LAT2: variants seen among roughly 807,000 people sequenced by gnomAD.
The protein encoded by LAT2 is linker for activation of T cells family member 2, also known as linker for activation of T-cells family member 2.
Under a neutral mutation model 43.4 loss-of-function variants are expected in LAT2, and 23 were observed. That is an observed-to-expected ratio of 0.53 (90% CI 0.38 to 0.75). The LOEUF is 0.75. Ranked by LOEUF, LAT2 falls within the 30% of genes least tolerant of loss-of-function variation. LAT2 has a pLI of 0.00. For missense variants in LAT2, 284 were observed against 310.2 expected (o/e 0.92, Z 0.64); for synonymous variants, 128 against 123.2 (o/e 1.04, Z -0.26).
intron 9 of LAT2, 80 bp from the exon 10 acceptor site, chr7:74,221,557 C>A: frequency 9.0e-7 from 1 of 1,112,616 alleles, no homozygotes; most frequent in Non-Finnish European, 1.3e-6. Context: ...GCAGCCCTGG[C>A]CTCACCGCCC....
intron 1 of LAT2, among the ~76,000 whole-genome samples, chr7:74,211,224 G>A (rs1023298025): frequency 6.6e-6 from 1 of 152,146 alleles, no homozygotes; most frequent in African/African-American, 2.4e-5. Context: ...AACCTGGATG[G>A]GAGAGTGAAA....
chr7:74,220,786 C>A lies in LAT2; in HGVS notation c.332+52C>A, dbSNP rs184484775. 4.8e-3 allele frequency: 6,971 copies of A among 1,439,434 alleles called. 37 individuals are homozygous for A. Among genetic ancestry groups the A allele is most frequent in the Middle Eastern group, 8.7e-3 (34 of 3,906 alleles). The allele number at this position is 1,439,434 out of a possible 1,614,324, so 89.2% of individuals were successfully genotyped here. On this transcript the variant is annotated intron_variant, in intron 9 of 13. Coordinates refer to ENST00000460943, the MANE Select transcript of LAT2 (RefSeq NM_032464.3). This position sits in a 1 kb window ranked among gnomAD's most constrained non-coding sequence, Gnocchi z 4.5. The stretch of plus-strand genomic sequence containing the variant: ...TGCCTCGCCTCTCCCCCTGCCCCAC[C>A]TCTCCCCCTGCCCCACCTCTCCCCC...
In LAT2 at chr7:74,224,765, A is replaced by C. The variant is rs782759673; in HGVS notation, c.*18+5A>C. The C allele has an allele frequency of 2.7e-5, 42 of 1,535,526 alleles. No homozygotes were observed. In the Admixed American group the frequency reaches 3.2e-4, roughly 12 times the overall value. ...TAGGGCAGACCAAGAAGAAAGGTACAGCCCCTGCTCTCCAGCTGCCGTGGG... is the reference window on the plus strand; with the variant it reads ...TAGGGCAGACCAAGAAGAAAGGTACCGCCCCTGCTCTCCAGCTGCCGTGGG... On this transcript the variant is annotated splice_donor_5th_base_variant and intron_variant, in intron 13 of 13. Coordinates refer to ENST00000460943, the MANE Select transcript of LAT2 (RefSeq NM_032464.3).
rs1554715045 is a variant in LAT2, at chr7:74,220,559, G to T, written c.266-25G>T. On this transcript the variant is annotated intron_variant, in intron 7 of 13. Transcript: ENST00000460943. This position sits in a 1 kb window ranked among gnomAD's most constrained non-coding sequence, Gnocchi z 4.5. ...TGCAAAGCAGGGGCCAGGGGAGAAA[G>T]CAATTAGCTGGGTCTTTCTTCCAGA... 3 of 1,613,766 alleles carry T rather than the reference G, an allele frequency of 1.9e-6. No homozygotes were observed. The African/African-American group carries it at 4.0e-5, about 22-fold the overall frequency.
At chr7:74,214,704 T>TATATAAAA (rs1801953679) in intron 1 of LAT2, 118 bp from the exon 2 acceptor site, 2 of 99,928 alleles carry the variant, frequency 2.0e-5, no homozygotes, top group African/African-American at 9.0e-5. Context: ...TATATAAATA[T>TATATAAAA]ATATAAATAT....
chr7:74,216,739 G>A (rs1431515365), intron 3 of LAT2, 86 bp from the exon 4 acceptor site: 76 of 1,159,798 alleles, frequency 6.6e-5, no homozygotes, highest in Non-Finnish European at 8.6e-5. Context: ...TCTGAGTCCT[G>A]CTGGAGACAA....
At chr7:74,222,032 T>A (rs2116167506) in intron 10 of LAT2, among the ~76,000 whole-genome samples, 1 of 151,788 alleles carries the variant, frequency 6.6e-6, no homozygotes, top group Non-Finnish European at 1.5e-5. Context: ...GGGATGGTGA[T>A]CCCTGCAGGC....
At position 74,216,084 on chromosome 7, in the gene LAT2, C is replaced by T. The variant is rs1371629480; in HGVS notation, c.94+15C>T. 1.9e-5 allele frequency: 30 copies of T among 1,599,224 alleles called. No homozygotes were observed. Among genetic ancestry groups the T allele is most frequent in the Admixed American group, 1.4e-4 (8 of 58,106 alleles). ...CTCACGCCCAGGTAAGCGGGGGTCT[C>T]GGGGACGTGATGGGGAGAAGGTGTG... On this transcript the variant is annotated intron_variant, in intron 3 of 13. Transcript: ENST00000460943.
chr7:74,216,720 C>T, intron 3 of LAT2, 105 bp from the exon 4 acceptor site: 1 of 922,872 alleles, frequency 1.1e-6, no homozygotes, highest in Middle Eastern at 3.0e-4. Context: ...GTTTGGCCCC[C>T]AAGTCCTGTC....
Position 74,220,331 on chromosome 7 carries a change from G to A in LAT2, c.265+77G>A. ...GACAGGCGAAAACCCCATGGGACAG[G>A]CGTCGTGCAGTGGGGGCTGCGGGGC... On this transcript the variant is annotated intron_variant, in intron 7 of 13. Coordinates refer to ENST00000460943, the MANE Select transcript of LAT2 (RefSeq NM_032464.3). This position sits in a 1 kb window ranked among gnomAD's most constrained non-coding sequence, Gnocchi z 4.5. 1 of 1,503,670 alleles carries A rather than the reference G, an allele frequency of 6.7e-7. No individual in the cohort carries two copies. The highest frequency in any genetic ancestry group is 9.1e-7 in the Non-Finnish European group (1 of 1,095,216). The allele number at this position is 1,503,670 out of a possible 1,614,324, so 93.1% of individuals were successfully genotyped here. A position where few individuals can be genotyped will look rare whatever the true frequency, so the allele number is the denominator to read the frequency against.
chr7:74,225,609 C>T (rs937232898), intron 13 of LAT2: 11 of 152,458 alleles, frequency 7.2e-5, no homozygotes, highest in African/African-American at 2.7e-4. Flanking sequence ...AGCCACCTGC[C>T]CAAGGCCACA....
rs370720266 is a variant in LAT2, at chr7:74,221,638, G to C, written c.334G>C (p.Asp112His). The C allele has an allele frequency of 5.1e-5, 82 of 1,613,082 alleles. 2 individuals carry two copies. Among genetic ancestry groups the C allele is most frequent in the East Asian group, 4.9e-4 (22 of 44,822 alleles). ...SRHGSEEAYI[D>H]PIAMEYYNWG... ...TGTTGTATATGTTTTCTTGGCCAGA[G>C]ACCCCATTGCCATGGAGTATTACAA... is the stretch of plus-strand genomic sequence containing the variant. Residue 112 changes from aspartate (D) to histidine (H), a missense_variant and splice_region_variant, in exon 10 of 14, where the codon GAC (aspartate) becomes CAC (histidine). Transcript: ENST00000460943.
chr7:74,216,620 C>T (rs1277586850), intron 3 of LAT2, among the ~76,000 whole-genome samples: 2 of 152,288 alleles, frequency 1.3e-5, no homozygotes, highest in East Asian at 3.9e-4. Flanking sequence ...GATCCTCCCG[C>T]CTCGGCCCAA....
At chr7:74,216,274 G>A (rs1802044130) in intron 3 of LAT2, among the ~76,000 whole-genome samples, 1 of 152,028 alleles carries the variant, frequency 6.6e-6, no homozygotes, top group African/African-American at 2.4e-5. Context: ...GTGGTATCTC[G>A]AGCCAGAGAG....
At chr7:74,216,989 T>A (rs1461895970) in intron 4 of LAT2, 125 bp downstream of exon 4, 3 of 787,548 alleles carry the variant, frequency 3.8e-6, no homozygotes, top group Non-Finnish European at 6.6e-6. Flanking sequence ...CAAGTTCTAG[T>A]GGGTCCCTAG....
At chr7:74,215,550 G>A (rs1353748119) in intron 2 of LAT2, among the ~76,000 whole-genome samples, 1 of 152,188 alleles carries the variant, frequency 6.6e-6, no homozygotes, top group Non-Finnish European at 1.5e-5. Flanking sequence ...GCAGGACACT[G>A]GGGCCTGAAT....
chr7:74,225,787 T>A (rs1479457987), intron 13 of LAT2: 1 of 152,368 alleles, frequency 6.6e-6, no homozygotes. Context: ...GCGAGCAGGC[T>A]GGAGGGTGGA....
chr7:74,219,197 C>T (rs1336649588), intron 4 of LAT2, among the ~76,000 whole-genome samples: 6 of 151,760 alleles, frequency 4.0e-5, no homozygotes, highest in East Asian at 1.9e-4. Flanking sequence ...CCACCGCGCC[C>T]GGCTAATTTT....
rs781818542 is a variant in LAT2 at position 74,216,047 on chromosome 7, G to C, written c.72G>C (p.Leu24=). Residue 24 remains leucine (L), a synonymous_variant, in exon 3 of 14, where the codon CTG becomes CTC. Transcript: ENST00000460943. ...LLVLLGVAAS[L]CVRCSRPGAK... is the part of the protein sequence containing the mutation. The stretch of plus-strand genomic sequence containing the variant: ...TGCTGTTGGGGGTGGCAGCCAGTCT[G>C]TGTGTGCGCTGCTCACGCCCAGGTA... The C allele has an allele frequency of 6.2e-7, 1 of 1,613,162 alleles. No individual in the cohort carries two copies. The highest frequency in any genetic ancestry group is 1.1e-5 in the South Asian group (1 of 91,032).
Sources: gnomAD v4.1 joint callset for allele counts (sites outside exome capture counted in the v4.1 genomes callset) on GRCh38, gnomAD v4.1.1 for gene constraint, Gnocchi (gnomAD v3.1) non-coding constraint, MANE v1.5 for transcripts, NCBI Gene and HGNC (gene_info 2026-07-23, HGNC 2026-07-21) for gene names.